The following ATXN7 variants were observed in gnomAD, a reference collection of about 807,000 sequenced individuals.
ATXN7 encodes the protein ataxin 7, also known as ataxin-7.
In ATXN7, 12 loss-of-function variants were observed where a neutral mutation model predicts 70.5. The ratio of observed to expected loss-of-function variants is 0.17; its 90% CI spans 0.11 to 0.28. The LOEUF is 0.28. ATXN7 is among the 10% of genes least tolerant of loss of function. ATXN7 has a pLI of 1.00. For synonymous variants in ATXN7, 498 were observed against 448.7 expected, an observed-to-expected ratio of 1.11 and a Z score of -1.39; for missense variants, 1,256 against 1,131.7, an observed-to-expected ratio of 1.11 and a Z score of -1.58.
At chr3:63,934,500 A>G (rs1286458856) in intron 4 of ATXN7, among the ~76,000 whole-genome samples, 1 of 152,186 alleles carries the variant, frequency 6.6e-6, no homozygotes, top group Non-Finnish European at 1.5e-5. Flanking sequence ...GTTCTTGGTG[A>G]GAGGCAGAAA....
At chr3:63,960,071 A>G (rs1428023007) in intron 5 of ATXN7, among the ~76,000 whole-genome samples, 1 of 152,224 alleles carries the variant, frequency 6.6e-6, no homozygotes, top group Non-Finnish European at 1.5e-5. Flanking sequence ...AGAGAAAATG[A>G]CTGGGGCAGA....
rs2075832347 is a variant in ATXN7, at chr3:64,001,477, G to C, written c.*2010G>C. 1 of 152,180 alleles carries C rather than the reference G, an allele frequency of 6.6e-6. No individual in the cohort carries two copies. The highest frequency in any genetic ancestry group is 6.5e-5 in the Admixed American group (1 of 15,272). The allele number at this position is 152,180 out of a possible 1,614,324, so 9.4% of individuals were successfully genotyped here. A position where few individuals can be genotyped will look rare whatever the true frequency, so the allele number is the denominator to read the frequency against. Reference sequence around the variant, plus strand: ...GGGGTATGGGTAGAATTTATTTTCAGAGCCAAGAGGACTTGATGGTTATAA... The same window carrying C: ...GGGGTATGGGTAGAATTTATTTTCACAGCCAAGAGGACTTGATGGTTATAA... On this transcript the variant is annotated 3_prime_UTR_variant, in exon 13 of 13. Coordinates refer to ENST00000674280, the MANE Select transcript of ATXN7 (RefSeq NM_001377405.1).
intron 2 of ATXN7, among the ~76,000 whole-genome samples, chr3:63,907,162 T>C (rs1323531754): frequency 6.6e-6 from 1 of 152,234 alleles, no homozygotes; most frequent in Non-Finnish European, 1.5e-5. Flanking sequence ...TTACTCATTT[T>C]ATAGATGTAG....
At chr3:63,886,577 C>T (rs1275013899) in intron 1 of ATXN7, among the ~76,000 whole-genome samples, 1 of 152,062 alleles carries the variant, frequency 6.6e-6, no homozygotes, top group Non-Finnish European at 1.5e-5. Context: ...GACAAAGATA[C>T]TATACTTACA....
intron 8 of ATXN7, among the ~76,000 whole-genome samples, chr3:63,986,795 C>T (rs2075585100): frequency 6.6e-6 from 1 of 152,118 alleles, no homozygotes. Flanking sequence ...TGTTATTCAA[C>T]CGAAAATGGT....
In ATXN7 at chr3:63,864,118, C is replaced by T. The variant is rs1336665384; in HGVS notation, c.-151C>T. ...CCCCCCTTGCAGCCCCCGCCCGGCC[C>T]ACGCCCAGAGGCCGCCCCGGAGGCC... On this transcript the variant is annotated 5_prime_UTR_variant, in exon 1 of 13. Coordinates refer to ENST00000674280, the MANE Select transcript of ATXN7 (RefSeq NM_001377405.1). 2.7e-5 allele frequency among the ~76,000 whole-genome samples: 4 copies of T among 148,090 alleles called. No homozygotes were observed. The highest frequency in any genetic ancestry group is 2.1e-4 in the South Asian group (1 of 4,800).
chr3:63,998,528 C>T (rs951082059), intron 12 of ATXN7: 4 of 985,222 alleles, frequency 4.1e-6, no homozygotes, highest in African/African-American at 1.7e-5. Context: ...CACAGACAGC[C>T]TAACTTTGGG....
chr3:63,988,435 G>C (rs534870686), intron 9 of ATXN7, 111 bp downstream of exon 9: 3 of 1,404,784 alleles, frequency 2.1e-6, no homozygotes, highest in Middle Eastern at 2.4e-4. Flanking sequence ...GCTCACTGTG[G>C]AGATAGTTTT....
At chr3:63,961,785 C>T (rs1257192534) in intron 5 of ATXN7, among the ~76,000 whole-genome samples, 2 of 152,060 alleles carry the variant, frequency 1.3e-5, no homozygotes, top group Non-Finnish European at 2.9e-5. Flanking sequence ...TCACCAGTGT[C>T]ACTCTTGACT....
At chr3:63,985,687 C>G (rs917342444) in intron 8 of ATXN7, among the ~76,000 whole-genome samples, 1 of 152,174 alleles carries the variant, frequency 6.6e-6, no homozygotes, top group African/African-American at 2.4e-5. Context: ...GTCTCCCATC[C>G]TCACTGCCCC....
chr3:63,912,517 G>T, intron 2 of ATXN7, 71 bp from the exon 3 acceptor site: 1 of 993,822 alleles, frequency 1.0e-6, no homozygotes, highest in Non-Finnish European at 1.2e-6. Context: ...CACGCCGCCG[G>T]AACTCCCTGG....
At chr3:63,882,431 C>T (rs373748063) in intron 1 of ATXN7, among the ~76,000 whole-genome samples, 2 of 148,500 alleles carry the variant, frequency 1.3e-5, no homozygotes, top group Non-Finnish European at 1.5e-5. Context: ...GTCACCCAGG[C>T]TGGAGTGCAG....
At position 64,000,942 on chromosome 3, in the gene ATXN7, G is replaced by C. The variant is rs547217123; in HGVS notation, c.*1475G>C. 1.3e-5 allele frequency: 2 copies of C among 152,152 alleles called. No homozygotes were observed. The highest frequency in any genetic ancestry group is 3.9e-4 in the East Asian group (2 of 5,134). The allele number at this position is 152,152 out of a possible 1,614,324, so 9.4% of individuals were successfully genotyped here. On this transcript the variant is annotated 3_prime_UTR_variant, in exon 13 of 13. Coordinates refer to ENST00000674280, the MANE Select transcript of ATXN7 (RefSeq NM_001377405.1). ...GCTCCTGACACGAGTAACAGGCACT[G>C]TTGCTTAGAAGAACACACGAAGTTG...
intron 4 of ATXN7, among the ~76,000 whole-genome samples, chr3:63,928,997 A>G (rs945764606): frequency 3.3e-5 from 5 of 152,190 alleles, no homozygotes; most frequent in Admixed American, 2.0e-4. Flanking sequence ...ATTAGTCCAC[A>G]TAAGGGTTCA....
intron 4 of ATXN7, among the ~76,000 whole-genome samples, chr3:63,949,037 C>T (rs1031545235): frequency 2.6e-5 from 4 of 151,698 alleles, no homozygotes; most frequent in African/African-American, 7.3e-5. Flanking sequence ...TTTTTATTTT[C>T]TGTTGTAAAT....
chr3:63,957,200 G>A (rs1309098117), intron 5 of ATXN7, among the ~76,000 whole-genome samples: 1 of 152,192 alleles, frequency 6.6e-6, no homozygotes, highest in African/African-American at 2.4e-5. Context: ...CAGACACAGG[G>A]GTGATATTAC....
chr3:63,985,031 G>C (rs191993109), intron 8 of ATXN7, among the ~76,000 whole-genome samples: 13 of 152,270 alleles, frequency 8.5e-5, no homozygotes, highest in Admixed American at 7.8e-4. Flanking sequence ...CCAGTCACCT[G>C]TTGACAGACA....
chr3:63,935,598 T>C (rs2074646686), intron 4 of ATXN7, among the ~76,000 whole-genome samples: 1 of 152,152 alleles, frequency 6.6e-6, no homozygotes, highest in Non-Finnish European at 1.5e-5. Context: ...AGTAGTGAGC[T>C]CAGTGACTGG....
intron 4 of ATXN7, among the ~76,000 whole-genome samples, chr3:63,928,483 G>A (rs1704806123): frequency 6.6e-6 from 1 of 152,114 alleles, no homozygotes; most frequent in South Asian, 2.1e-4. Context: ...ACAATACCTG[G>A]TAGAAAGTAG....
Sources: allele counts gnomAD v4.1 joint callset (sites outside exome capture counted in the v4.1 genomes callset), GRCh38; gene constraint gnomAD v4.1.1; transcripts MANE v1.5; gene names NCBI Gene and HGNC (gene_info 2026-07-23, HGNC 2026-07-21).